CHL1: variants seen among roughly 807,000 people sequenced by gnomAD.
CHL1 encodes the protein neural cell adhesion molecule L1-like protein.
In CHL1, 96 loss-of-function variants were observed where a neutral mutation model predicts 141.9. The observed-to-expected ratio is 0.68, with a 90% CI of 0.57 to 0.80. The LOEUF (loss-of-function observed/expected upper bound fraction) is 0.80. Among genes scored for constraint, CHL1 ranks in the 30% least tolerant of loss-of-function variants. The pLI is 0.00. For missense variants in CHL1, 1,820 were observed against 1,457.2 expected (o/e 1.25, Z -4.05); for synonymous variants, 613 against 502.2 (o/e 1.22, Z -2.95).
At chr3:385,134 T>A (rs1707525108) in intron 19 of CHL1, among the ~76,000 whole-genome samples, 1 of 152,206 alleles carries the variant, frequency 6.6e-6, no homozygotes, top group Non-Finnish European at 1.5e-5. Flanking sequence ...ATGATGTTAG[T>A]CTTTTAGGGT....
At chr3:310,352 G>A (rs1194537322) in intron 2 of CHL1, among the ~76,000 whole-genome samples, 1 of 152,096 alleles carries the variant, frequency 6.6e-6, no homozygotes, top group Non-Finnish European at 1.5e-5. Flanking sequence ...ATGCTCACTT[G>A]AGCCAAGAGT....
At chr3:295,713 C>T (rs1479588042) in intron 2 of CHL1, among the ~76,000 whole-genome samples, 1 of 152,166 alleles carries the variant, frequency 6.6e-6, no homozygotes, top group Non-Finnish European at 1.5e-5. Context: ...GACAATTAAA[C>T]ACAATTTTCT....
chr3:354,582 A>AT (rs1341180800), intron 10 of CHL1, 58 bp from the exon 11 acceptor site: 58 of 1,555,624 alleles, frequency 3.7e-5, no homozygotes, highest in Non-Finnish European at 4.7e-5. Context: ...AGGCCTTAAC[A>AT]TTTTTGGACT....
intron 1 of CHL1, among the ~76,000 whole-genome samples, chr3:208,768 C>A (rs73016731): frequency 2.6e-4 from 40 of 152,214 alleles, no homozygotes; most frequent in Non-Finnish European, 3.8e-4. Context: ...CTGCAGCTAT[C>A]CCATGTCCAA....
At chr3:308,369 A>G (rs182891730) in intron 2 of CHL1, among the ~76,000 whole-genome samples, 73 of 152,266 alleles carry the variant, frequency 4.8e-4, no homozygotes, top group African/African-American at 1.7e-3. Flanking sequence ...ATATGTAGAC[A>G]AGGCAGGTAC....
chr3:201,752 T>A (rs1698963358), intron 1 of CHL1, among the ~76,000 whole-genome samples: 1 of 152,208 alleles, frequency 6.6e-6, no homozygotes, highest in African/African-American at 2.4e-5. Flanking sequence ...GGGTTTCTTC[T>A]CCTGGTAGTC....
At chr3:261,764 A>G (rs910649092) in intron 2 of CHL1, among the ~76,000 whole-genome samples, 6 of 152,162 alleles carry the variant, frequency 3.9e-5, no homozygotes, top group Non-Finnish European at 8.8e-5. Context: ...AAAGAGAAAT[A>G]AATTTTGAAT....
intron 2 of CHL1, among the ~76,000 whole-genome samples, chr3:282,325 C>T (rs1050467853): frequency 3.3e-5 from 5 of 152,152 alleles, no homozygotes; most frequent in African/African-American, 1.2e-4. Flanking sequence ...TGTGTAAGCC[C>T]ATTAACGTGG....
At chr3:350,961 G>A (rs910552978) in intron 10 of CHL1, among the ~76,000 whole-genome samples, 3 of 152,176 alleles carry the variant, frequency 2.0e-5, no homozygotes, top group South Asian at 4.2e-4. Flanking sequence ...GCTACATCGT[G>A]CAACAGGGGT....
At chr3:239,198 C>A (rs1006467068) in intron 1 of CHL1, among the ~76,000 whole-genome samples, 4 of 152,238 alleles carry the variant, frequency 2.6e-5, no homozygotes, top group African/African-American at 9.6e-5. Context: ...ACCGCAGCTG[C>A]CCCTTGCTTA....
intron 19 of CHL1, among the ~76,000 whole-genome samples, chr3:387,123 G>T (rs1416140881): frequency 2.6e-5 from 4 of 152,078 alleles, no homozygotes; most frequent in African/African-American, 7.2e-5. Context: ...ACCTTGCTTG[G>T]GTCATAGATC....
intron 1 of CHL1, among the ~76,000 whole-genome samples, chr3:226,236 A>G (rs1701332275): frequency 6.7e-6 from 1 of 149,450 alleles, no homozygotes; most frequent in Non-Finnish European, 1.5e-5. Flanking sequence ...TGGCCACGCT[A>G]ATGTTGAGCT....
At chr3:279,598 T>A (rs1696454422) in intron 2 of CHL1, among the ~76,000 whole-genome samples, 1 of 152,242 alleles carries the variant, frequency 6.6e-6, no homozygotes, top group African/African-American at 2.4e-5. Context: ...TGGTCTTTTT[T>A]ATTCACTGAA....
At chr3:382,082 T>C (rs1707113365) in intron 16 of CHL1, 97 bp from the exon 17 acceptor site, 1 of 975,048 alleles carries the variant, frequency 1.0e-6, no homozygotes, top group Non-Finnish European at 1.6e-6. Context: ...AAGAGGGTGG[T>C]ACCTCCTCTG....
chr3:317,036 A>T (rs147983245), intron 2 of CHL1, among the ~76,000 whole-genome samples: 31 of 152,206 alleles, frequency 2.0e-4, no homozygotes, highest in African/African-American at 7.0e-4. Flanking sequence ...TGGAGCTTTC[A>T]TCGTCAGCTA....
At chr3:210,214 G>A (rs1699789840) in intron 1 of CHL1, among the ~76,000 whole-genome samples, 1 of 152,232 alleles carries the variant, frequency 6.6e-6, no homozygotes, top group Non-Finnish European at 1.5e-5. Context: ...TGTGTAAAAT[G>A]TGAAGGCACA....
rs557979846 is a variant in CHL1, at chr3:337,347, C to T, written c.386-3447C>T. Among the ~76,000 whole-genome samples the T allele has an allele frequency of 8.9e-4, 119 of 134,266 alleles. No homozygotes were observed. The East Asian group carries it at 0.022, about 25-fold the overall frequency. 88.1% of individuals were successfully genotyped at this position (134,266 alleles called of 152,430 possible). On this transcript the variant is annotated intron_variant, in intron 5 of 27. Coordinates refer to ENST00000256509, the MANE Select transcript of CHL1 (RefSeq NM_006614.4). ...CTGGGACCACAGGCGCCCGCCACCA[C>T]GCCCGGCTAATTTTTTTATATATAT... is the stretch of plus-strand genomic sequence containing the variant.
chr3:292,196 A>G (rs1448886758), intron 2 of CHL1, among the ~76,000 whole-genome samples: 2 of 152,336 alleles, frequency 1.3e-5, no homozygotes. Context: ...TCTAAATGGT[A>G]GACGTATTGT....
intron 4 of CHL1, among the ~76,000 whole-genome samples, 189 bp from the exon 5 acceptor site, chr3:327,978 G>T (rs1208857423): frequency 6.6e-6 from 1 of 151,872 alleles, no homozygotes; most frequent in Non-Finnish European, 1.5e-5. Context: ...CATTTATCAA[G>T]CTGTTTTATG....
Sources: gnomAD v4.1 joint callset for allele counts (sites outside exome capture counted in the v4.1 genomes callset) on GRCh38, gnomAD v4.1.1 for gene constraint, MANE v1.5 for transcripts, NCBI Gene and HGNC (gene_info 2026-07-23, HGNC 2026-07-21) for gene names.